MACROD1: variants seen among roughly 807,000 people sequenced by gnomAD.
MACROD1 encodes mono-ADP ribosylhydrolase 1, also known as ADP-ribose glycohydrolase MACROD1.
In MACROD1, 31 loss-of-function variants were observed where a neutral mutation model predicts 41.4. The observed-to-expected ratio is 0.75, with a 90% CI of 0.56 to 1.01. The LOEUF (loss-of-function observed/expected upper bound fraction) is 1.01. Ranked by LOEUF, MACROD1 falls within the 50% of genes least tolerant of loss-of-function variation. MACROD1 has a pLI of 0.00. For missense variants in MACROD1, 473 were observed against 460.0 expected, an observed-to-expected ratio of 1.03 and a Z score of -0.26; for synonymous variants, 252 against 203.4, an observed-to-expected ratio of 1.24 and a Z score of -2.03.
intron 3 of MACROD1, among the ~76,000 whole-genome samples, chr11:64,097,438 C>T (rs1173307066): frequency 6.6e-6 from 1 of 152,156 alleles, no homozygotes; most frequent in Admixed American, 6.5e-5. Context: ...CGAGTGGGCC[C>T]CGCACCCCTG....
chr11:64,013,642 G>A (rs1029492841), intron 4 of MACROD1, among the ~76,000 whole-genome samples: 2 of 152,226 alleles, frequency 1.3e-5, no homozygotes, highest in Non-Finnish European at 2.9e-5. Flanking sequence ...ATGAGCTGAT[G>A]TGGGACAGAA....
At chr11:64,156,340 C>T (rs926444945) in intron 1 of MACROD1, among the ~76,000 whole-genome samples, 12 of 152,190 alleles carry the variant, frequency 7.9e-5, no homozygotes, top group African/African-American at 1.9e-4. Flanking sequence ...CTCCCCACTG[C>T]GAGGCCTTGG....
chr11:64,161,548 G>A (rs1393064774), intron 1 of MACROD1, among the ~76,000 whole-genome samples: 1 of 152,238 alleles, frequency 6.6e-6, no homozygotes, highest in African/African-American at 2.4e-5. Context: ...GATGAAAAGT[G>A]TAGCAGTCTT....
At position 64,000,571 on chromosome 11, in the gene MACROD1, G is replaced by T. The variant is rs320154; in HGVS notation, c.548-228C>A. Among the ~76,000 whole-genome samples the T allele has an allele frequency of 2.7e-3, 406 of 151,856 alleles. 1 individual carries two copies. The highest frequency in any genetic ancestry group is 9.3e-3 in the African/African-American group (387 of 41,446). ...GGCCCTGGGCCTGGCGGGAAGTCGCGCAAGGAGGCCGGCAGGGGGCGCACC... is the reference window on the plus strand; with the variant it reads ...GGCCCTGGGCCTGGCGGGAAGTCGCTCAAGGAGGCCGGCAGGGGGCGCACC... On this transcript the variant is annotated intron_variant, in intron 4 of 10. Coordinates refer to ENST00000255681, the MANE Select transcript of MACROD1 (RefSeq NM_014067.4).
intron 3 of MACROD1, among the ~76,000 whole-genome samples, chr11:64,070,851 G>A (rs1244914304): frequency 6.6e-6 from 1 of 152,218 alleles, no homozygotes; most frequent in Non-Finnish European, 1.5e-5. Flanking sequence ...GAAGAGGGGA[G>A]AGGAGGAAGG....
At chr11:64,053,279 A>G (rs1196661528) in intron 3 of MACROD1, among the ~76,000 whole-genome samples, 2 of 152,138 alleles carry the variant, frequency 1.3e-5, no homozygotes, top group African/African-American at 2.4e-5. Flanking sequence ...GTTAGGAGGT[A>G]GTTTTCCTGG....
At chr11:64,058,331 G>A (rs1182536937) in intron 3 of MACROD1, among the ~76,000 whole-genome samples, 2 of 152,256 alleles carry the variant, frequency 1.3e-5, no homozygotes, top group South Asian at 2.1e-4. Context: ...GCCCCCATCC[G>A]AAGGCTGACG....
At position 64,064,157 on chromosome 11, in the gene MACROD1, CTT is replaced by C. The variant is rs1348331381; in HGVS notation, c.518-48878_518-48877del. 6.6e-6 allele frequency among the ~76,000 whole-genome samples: 1 copy of C among 152,202 alleles called. No homozygotes were observed. Among genetic ancestry groups the C allele is most frequent in the Non-Finnish European group, 1.5e-5 (1 of 68,036 alleles). On this transcript the variant is annotated intron_variant, in intron 3 of 10. Coordinates refer to ENST00000255681, the MANE Select transcript of MACROD1 (RefSeq NM_014067.4). The surrounding 1 kb of genome is among the most constrained non-coding windows in gnomAD (Gnocchi z 4.5). Reference sequence around the variant, plus strand: ...CTCTCCCTTTCAGCATCTTCTCTCTCTTGTCTTCTGAGGACAGATGCAGGCTG... The same window carrying C: ...CTCTCCCTTTCAGCATCTTCTCTCTCGTCTTCTGAGGACAGATGCAGGCTG...
chr11:64,069,474 G>A (rs1944065821), intron 3 of MACROD1, among the ~76,000 whole-genome samples: 1 of 152,240 alleles, frequency 6.6e-6, no homozygotes, highest in African/African-American at 2.4e-5. Context: ...GGCCAGTCTG[G>A]TCCCCTTTAG....
At chr11:64,088,062 C>T (rs879737056) in intron 3 of MACROD1, among the ~76,000 whole-genome samples, 1 of 152,184 alleles carries the variant, frequency 6.6e-6, no homozygotes, top group Non-Finnish European at 1.5e-5. Context: ...CTCTCTGGGC[C>T]TCCCCTGGCT....
intron 4 of MACROD1, among the ~76,000 whole-genome samples, chr11:64,012,435 G>C (rs1448436098): frequency 6.7e-6 from 1 of 150,176 alleles, no homozygotes; most frequent in African/African-American, 2.5e-5. Flanking sequence ...GGGTCTCGCT[G>C]TGTTACCCAA....
intron 3 of MACROD1, among the ~76,000 whole-genome samples, chr11:64,016,954 G>T (rs1380186755): frequency 6.6e-6 from 1 of 151,968 alleles, no homozygotes. Flanking sequence ...GCCCACAAAT[G>T]CACATTTCTT....
intron 3 of MACROD1, among the ~76,000 whole-genome samples, chr11:64,057,245 G>A (rs933837702): frequency 1.3e-5 from 2 of 152,248 alleles, no homozygotes; most frequent in African/African-American, 2.4e-5. Flanking sequence ...GAACGTAGGG[G>A]ACGGGACAGC....
At chr11:64,022,153 G>A (rs1216448000) in intron 3 of MACROD1, among the ~76,000 whole-genome samples, 1 of 151,946 alleles carries the variant, frequency 6.6e-6, no homozygotes, top group East Asian at 1.9e-4. Flanking sequence ...GAGAGCCTTA[G>A]TGAGAAATGG....
In MACROD1 at chr11:63,999,342, G is replaced by T; in HGVS notation, c.880C>A (p.His294Asn). Residue 294 changes from histidine to asparagine, a missense_variant, in exon 8 of 11, where the codon CAC becomes AAC. Physicochemically the swap from His to Asn is moderately conservative, Grantham distance 68. Transcript: ENST00000255681. ...GGCCCAGGACTCACCTTGTCCTTGT[G>T]CTGCTCCAGCCACTCTCGCAGCGTG... ...LATLREWLEQHKDKVDRLIIC... is the reference protein window; with the variant it reads ...LATLREWLEQNKDKVDRLIIC... 1 of 1,567,990 alleles carries T rather than the reference G, an allele frequency of 6.4e-7. No homozygotes were observed. The highest frequency in any genetic ancestry group is 8.6e-7 in the Non-Finnish European group (1 of 1,163,062).
chr11:64,089,049 C>T (rs1013533932), intron 3 of MACROD1, among the ~76,000 whole-genome samples: 2 of 152,210 alleles, frequency 1.3e-5, no homozygotes, highest in African/African-American at 2.4e-5. Context: ...CTCAGGAACT[C>T]GTGCCCCGCC....
chr11:64,089,009 C>G (rs1944443095), intron 3 of MACROD1, among the ~76,000 whole-genome samples: 1 of 152,134 alleles, frequency 6.6e-6, no homozygotes, highest in Non-Finnish European at 1.5e-5. Context: ...ACCGAAGCCA[C>G]TGGGAGGGCC....
At chr11:64,065,546 T>G (rs570930840) in intron 3 of MACROD1, among the ~76,000 whole-genome samples, 2 of 152,120 alleles carry the variant, frequency 1.3e-5, no homozygotes, top group East Asian at 1.9e-4. Flanking sequence ...TCCCAGCACT[T>G]TGGGAGGCCA....
chr11:64,023,606 C>T (rs482516), intron 3 of MACROD1, among the ~76,000 whole-genome samples: 8,227 of 152,132 alleles, frequency 0.054, 740 homozygotes, highest in African/African-American at 0.19. Flanking sequence ...CTCTGACGAG[C>T]CTGGGAGCTG....
Sources: allele counts gnomAD v4.1 joint callset (sites outside exome capture counted in the v4.1 genomes callset), GRCh38; gene constraint gnomAD v4.1.1; non-coding constraint Gnocchi (gnomAD v3.1); transcripts MANE v1.5; gene names NCBI Gene and HGNC (gene_info 2026-07-23, HGNC 2026-07-21).